Variants in ERBB4 observed in about 807,000 individuals in gnomAD.
The protein encoded by ERBB4 is receptor tyrosine-protein kinase erbB-4.
In ERBB4, 42 loss-of-function variants were observed where a neutral mutation model predicts 158.0. The observed-to-expected ratio is 0.27, with a 90% CI of 0.21 to 0.34. The LOEUF is 0.34. Among genes scored for constraint, ERBB4 ranks in the 10% least tolerant of loss-of-function variants. ERBB4 has a pLI of 1.00. For synonymous variants in ERBB4, 583 were observed against 558.7 expected (o/e 1.04, Z -0.61); for missense variants, 1,333 against 1,624.1 (o/e 0.82, Z 3.08).
intron 1 of ERBB4, among the ~76,000 whole-genome samples, chr2:212,318,622 T>C (rs577834131): frequency 6.6e-6 from 1 of 151,722 alleles, no homozygotes; most frequent in African/African-American, 2.4e-5. Context: ...CCAGCTTTAA[T>C]AGTTGTTTTA....
intron 1 of ERBB4, among the ~76,000 whole-genome samples, chr2:212,146,786 T>G (rs1036662343): frequency 6.6e-6 from 1 of 152,136 alleles, no homozygotes; most frequent in Admixed American, 6.6e-5. Flanking sequence ...TTAGATTTAT[T>G]TTCTCAATTG....
At chr2:212,094,439 A>G (rs1521548) in intron 2 of ERBB4, among the ~76,000 whole-genome samples, 103,358 of 150,554 alleles carry the variant, frequency 0.69, 39,843 homozygotes, top group East Asian at 1. Context: ...TTAGGTAAAG[A>G]TTGTGTCATA....
chr2:211,625,659 A>G (rs1320498925), intron 17 of ERBB4, among the ~76,000 whole-genome samples: 1 of 152,178 alleles, frequency 6.6e-6, no homozygotes, highest in African/African-American at 2.4e-5. Flanking sequence ...TGATTGCTCA[A>G]CTGAGTTCCC....
rs143324839 is a variant in ERBB4 at position 212,078,421 on chromosome 2, T to C, written c.234+46331A>G. On this transcript the variant is annotated intron_variant, in intron 2 of 27. Transcript: ENST00000342788. ...AAGAAGTTAAATGAAACAGCGTAGA[T>C]AATATCCTATTATTGAACAAAAATA... 1.7e-3 allele frequency among the ~76,000 whole-genome samples: 260 copies of C among 152,126 alleles called. 3 individuals are homozygous for C. The highest frequency in any genetic ancestry group is 5.8e-3 in the African/African-American group (243 of 41,570).
intron 2 of ERBB4, among the ~76,000 whole-genome samples, chr2:212,107,312 TC>T (rs1284557539): frequency 6.6e-6 from 1 of 152,072 alleles, no homozygotes; most frequent in Non-Finnish European, 1.5e-5. Flanking sequence ...TCAAAGGAGA[TC>T]TTTTTTTTTG....
chr2:211,602,424 G>A (rs1050500280), intron 19 of ERBB4, among the ~76,000 whole-genome samples: 1 of 152,026 alleles, frequency 6.6e-6, no homozygotes, highest in East Asian at 1.9e-4. Context: ...AGCAGCAGCT[G>A]CTGATCACTT....
At chr2:212,136,033 C>A (rs2080260547) in intron 1 of ERBB4, among the ~76,000 whole-genome samples, 1 of 152,174 alleles carries the variant, frequency 6.6e-6, no homozygotes, top group South Asian at 2.1e-4. Context: ...GATTATCATG[C>A]CTTCAACCAT....
intron 16 of ERBB4, among the ~76,000 whole-genome samples, chr2:211,646,548 G>T (rs1161009749): frequency 6.6e-6 from 1 of 151,518 alleles, no homozygotes; most frequent in African/African-American, 2.4e-5. Context: ...TTATTTGAAA[G>T]CATATAAAAA....
rs183022745 is a variant in ERBB4, at chr2:211,655,904, T to C, written c.1946+1850A>G. 2.1e-3 allele frequency among the ~76,000 whole-genome samples: 313 copies of C among 152,338 alleles called. 6 individuals carry two copies. Among genetic ancestry groups the C allele is most frequent in the Admixed American group, 0.017 (260 of 15,296 alleles). ...TTACTCTAGCACATGCTTCGCTTTC[T>C]TTTTAGAATTTAATTTTTCTATTCA... On this transcript the variant is annotated intron_variant, in intron 16 of 27. Coordinates refer to ENST00000342788, the MANE Select transcript of ERBB4 (RefSeq NM_005235.3).
At chr2:212,369,920 T>C (rs1230669901) in intron 1 of ERBB4, among the ~76,000 whole-genome samples, 3 of 152,136 alleles carry the variant, frequency 2.0e-5, no homozygotes, top group Admixed American at 6.6e-5. Flanking sequence ...AAAATCATTG[T>C]GAAAAACATT....
At chr2:211,816,817 G>A (rs760263358) in intron 3 of ERBB4, among the ~76,000 whole-genome samples, 4 of 152,094 alleles carry the variant, frequency 2.6e-5, no homozygotes, top group Non-Finnish European at 5.9e-5. Context: ...TTGTGATTCA[G>A]TACTTAGCAT....
At chr2:211,736,624 T>C (rs189261851) in intron 5 of ERBB4, among the ~76,000 whole-genome samples, 3 of 152,302 alleles carry the variant, frequency 2.0e-5, no homozygotes, top group Non-Finnish European at 2.9e-5. Context: ...ATTTCCCTTT[T>C]CTGAAGTTTT....
Position 212,379,772 on chromosome 2 carries a change from C to A in ERBB4, c.82+158677G>T, listed in dbSNP as rs2090442241. On this transcript the variant is annotated intron_variant, in intron 1 of 27. Transcript: ENST00000342788. ...GGGGAAAAACACTCAATTTTTCTAT[C>A]ATATATATTTTTCTTTTCTCTCTCT... Among the ~76,000 whole-genome samples the A allele has an allele frequency of 2.6e-5, 4 of 151,188 alleles. No individual in the cohort carries two copies. The South Asian group carries it at 8.3e-4, about 31-fold the overall frequency.
At chr2:212,055,870 C>T (rs1176583404) in intron 2 of ERBB4, among the ~76,000 whole-genome samples, 1 of 152,254 alleles carries the variant, frequency 6.6e-6, no homozygotes, top group Non-Finnish European at 1.5e-5. Context: ...AATTAGACCA[C>T]CTCTCCCCGT....
At chr2:212,221,124 G>C (rs1389742143) in intron 1 of ERBB4, among the ~76,000 whole-genome samples, 3 of 151,282 alleles carry the variant, frequency 2.0e-5, no homozygotes, top group East Asian at 1.9e-4. Flanking sequence ...TGGTTTTTGA[G>C]TGGCAGTCTC....
At chr2:211,683,475 T>C (rs1011891699) in intron 12 of ERBB4, among the ~76,000 whole-genome samples, 1 of 152,210 alleles carries the variant, frequency 6.6e-6, no homozygotes, top group African/African-American at 2.4e-5. Flanking sequence ...TCAATTAGAA[T>C]ACATATGCAG....
intron 19 of ERBB4, among the ~76,000 whole-genome samples, chr2:211,584,932 T>G (rs1379834168): frequency 6.6e-6 from 1 of 152,034 alleles, no homozygotes; most frequent in Admixed American, 6.6e-5. Context: ...TGTGGCGCAT[T>G]TTTTCTCTAT....
At chr2:212,143,047 C>A (rs528602944) in intron 1 of ERBB4, among the ~76,000 whole-genome samples, 1 of 151,776 alleles carries the variant, frequency 6.6e-6, no homozygotes, top group South Asian at 2.1e-4. Context: ...CAGAAGCTAA[C>A]CAATATCACA....
At chr2:211,937,943 T>C (rs911374489) in intron 3 of ERBB4, among the ~76,000 whole-genome samples, 1 of 152,148 alleles carries the variant, frequency 6.6e-6, no homozygotes, top group Non-Finnish European at 1.5e-5. Flanking sequence ...TAAAGTGTCA[T>C]TTATCTGACC....
Sources: gnomAD v4.1 joint callset for allele counts (sites outside exome capture counted in the v4.1 genomes callset) on GRCh38, gnomAD v4.1.1 for gene constraint, MANE v1.5 for transcripts, NCBI Gene and HGNC (gene_info 2026-07-23, HGNC 2026-07-21) for gene names.